Variants in CACNA1H observed in about 807,000 individuals in gnomAD.
CACNA1H encodes voltage-dependent T-type calcium channel subunit alpha-1H.
In CACNA1H, 149 loss-of-function variants were observed where a neutral mutation model predicts 192.5. The observed-to-expected ratio is 0.77, with a 90% CI of 0.68 to 0.89. The LOEUF is 0.89. Ranked by LOEUF, CACNA1H falls within the 40% of genes least tolerant of loss-of-function variation. CACNA1H has a pLI of 0.00. For synonymous variants in CACNA1H, 2,202 were observed against 1,475.2 expected (o/e 1.49, Z -11.29); for missense variants, 4,257 against 3,423.5 (o/e 1.24, Z -6.08).
chr16:1,183,906 C>A (rs532152439), intron 2 of CACNA1H, among the ~76,000 whole-genome samples: 1 of 152,378 alleles, frequency 6.6e-6, no homozygotes, highest in East Asian at 1.9e-4. Flanking sequence ...TAATTCCCTC[C>A]TGGATCGGTT....
At chr16:1,187,229 T>C (rs1168844908) in intron 2 of CACNA1H, among the ~76,000 whole-genome samples, 1 of 152,166 alleles carries the variant, frequency 6.6e-6, no homozygotes, top group Non-Finnish European at 1.5e-5. Flanking sequence ...CAGCGCCGCG[T>C]GGGGCCGTGG....
chr16:1,215,990 C>T (rs570363303), intron 30 of CACNA1H, among the ~76,000 whole-genome samples: 15 of 152,152 alleles, frequency 9.9e-5, no homozygotes, highest in Non-Finnish European at 2.2e-4. Context: ...GCCCAGCCTC[C>T]CTGCTTCCTG....
intron 8 of CACNA1H, among the ~76,000 whole-genome samples, 177 bp from the exon 9 acceptor site, chr16:1,201,486 C>G (rs563890074): frequency 6.6e-6 from 1 of 152,180 alleles, no homozygotes; most frequent in Non-Finnish European, 1.5e-5. Context: ...TGTATGCCGT[C>G]TGCTCCAGAC....
intron 2 of CACNA1H, among the ~76,000 whole-genome samples, chr16:1,190,548 C>T (rs1330427844): frequency 6.6e-6 from 1 of 152,246 alleles, no homozygotes; most frequent in Non-Finnish European, 1.5e-5. Context: ...TCTGGCAGTC[C>T]CTCTCCAGGG....
At chr16:1,184,251 A>G (rs1355802498) in intron 2 of CACNA1H, among the ~76,000 whole-genome samples, 2 of 152,246 alleles carry the variant, frequency 1.3e-5, no homozygotes, top group Non-Finnish European at 2.9e-5. Context: ...CCCTGGCCAA[A>G]GCTTCCCCTG....
At chr16:1,156,567 G>A (rs900582988) in intron 2 of CACNA1H, among the ~76,000 whole-genome samples, 1 of 152,100 alleles carries the variant, frequency 6.6e-6, no homozygotes, top group African/African-American at 2.4e-5. Context: ...GGTGTGGCTG[G>A]GGTGTGTCCC....
Position 1,212,057 on chromosome 16 carries a change from A to G in CACNA1H, c.4678A>G (p.Lys1560Glu), listed in dbSNP as rs1371741882. The G allele has an allele frequency of 3.7e-6, 6 of 1,613,026 alleles. No homozygotes were observed. Among genetic ancestry groups the G allele is most frequent in the Non-Finnish European group, 5.1e-6 (6 of 1,179,664 alleles). The change falls in exon 25 of 35, where the codon AAG becomes GAG. Residue 1560 changes from lysine (K) to glutamate (E), a missense_variant. By Grantham distance (56) the Lys-to-Glu change is moderately conservative. Transcript: ENST00000348261. ...GGGCGTCGTGGTCGAGAACTTCCAC[A>G]AGTGCCGGCAGCACCAGGAGGCGGA... ...FVGVVVENFHKCRQHQEAEEA... is the reference protein window; with the variant it reads ...FVGVVVENFHECRQHQEAEEA...
rs780522034 is a variant in CACNA1H at position 1,200,393 on chromosome 16, C to T, written c.941C>T (p.Pro314Leu). Residue 314 changes from proline to leucine, a missense_variant, in exon 7 of 35, where the codon CCC (proline) becomes CTC (leucine). Coordinates refer to ENST00000348261, the MANE Select transcript of CACNA1H (RefSeq NM_021098.3). ...CCCGGCCGCCGCGAGCTGCGCATGC[C>T]CTGCACCCTGGGCTGGGAGGCCTAC... ...HIPGRRELRM[P>L]CTLGWEAYTQ... 2 of 1,607,180 alleles carry T rather than the reference C, an allele frequency of 1.2e-6. No individual in the cohort carries two copies. Among genetic ancestry groups the T allele is most frequent in the Admixed American group, 1.7e-5 (1 of 59,368 alleles).
intron 2 of CACNA1H, among the ~76,000 whole-genome samples, chr16:1,183,644 C>G (rs1965695588): frequency 6.6e-6 from 1 of 152,262 alleles, no homozygotes; most frequent in Non-Finnish European, 1.5e-5. Context: ...AGGCGCCGCA[C>G]TCAGGGCAGG....
At chr16:1,156,881 C>T (rs1374775210) in intron 2 of CACNA1H, 1 of 152,274 alleles carries the variant, frequency 6.6e-6, no homozygotes, top group Admixed American at 6.5e-5. Flanking sequence ...CTGGCTCCAT[C>T]TCCAGGGTGA....
At position 1,221,073 on chromosome 16, in the gene CACNA1H, G is replaced by A; in HGVS notation, c.*79G>A. ...GGGGTGGAGGCCCAGGCAGAACCCT[G>A]CATGGACCCTGACTTGGGTCCCGTC... On this transcript the variant is annotated 3_prime_UTR_variant, in exon 35 of 35. Transcript: ENST00000348261. The A allele has an allele frequency of 9.0e-7, 1 of 1,110,480 alleles. No homozygotes were observed. 68.8% of individuals were successfully genotyped at this position (1,110,480 alleles called of 1,614,324 possible).
intron 17 of CACNA1H, 22 bp from the exon 18 acceptor site, chr16:1,210,013 A>G: frequency 1.3e-6 from 2 of 1,534,074 alleles, no homozygotes; most frequent in Non-Finnish European, 1.8e-6. Flanking sequence ...AGGCTCTGAG[A>G]AGCCGCCGCC....
chr16:1,210,881 A>T lies in CACNA1H; in HGVS notation c.4133A>T (p.Asp1378Val). Reference sequence around the variant, plus strand: ...CTGCTGGTGCTGGTGTCCCTGGTGGACATTGTCGTGGCCATGGCCTCGGCT... The same window carrying T: ...CTGCTGGTGCTGGTGTCCCTGGTGGTCATTGTCGTGGCCATGGCCTCGGCT... The part of the protein sequence containing the change: ...DGLLVLVSLV[D>V]IVVAMASAGG... Residue 1378 changes from aspartate (D) to valine (V), a missense_variant, in exon 21 of 35, where the codon GAC (aspartate) becomes GTC (valine). By Grantham distance (152) the Asp-to-Val change is radical. Transcript: ENST00000348261. 1 of 1,605,400 alleles carries T rather than the reference A, an allele frequency of 6.2e-7. No homozygotes were observed. The highest frequency in any genetic ancestry group is 8.5e-7 in the Non-Finnish European group (1 of 1,179,726).
intron 2 of CACNA1H, among the ~76,000 whole-genome samples, chr16:1,191,370 GC>G (rs1966601210): frequency 4.7e-5 from 5 of 107,144 alleles, no homozygotes; most frequent in African/African-American, 1.8e-4. Context: ...GGCTGGCCTG[GC>G]TGTGTGGCCT....
Position 1,207,708 on chromosome 16 carries a change from C to T in CACNA1H, c.3064-62C>T, listed in dbSNP as rs41292283. The T allele has an allele frequency of 1.6e-3, 2,197 of 1,416,794 alleles. 2 individuals are homozygous for T. The highest frequency in any genetic ancestry group is 2.0e-3 in the Non-Finnish European group (2,068 of 1,024,526). The allele number at this position is 1,416,794 out of a possible 1,614,324, so 87.8% of individuals were successfully genotyped here. A position where few individuals can be genotyped will look rare whatever the true frequency, so the allele number is the denominator to read the frequency against. ...TCCCAGGCCAGCCCAGACTTCTGTC[C>T]GGCATGAAGGGTCCCCACTCACGGG... On this transcript the variant is annotated intron_variant, in intron 14 of 34. Transcript: ENST00000348261.
intron 2 of CACNA1H, chr16:1,160,092 C>G (rs1322965222): frequency 6.6e-6 from 1 of 152,300 alleles, no homozygotes; most frequent in African/African-American, 2.4e-5. Flanking sequence ...GAGTCCAAGC[C>G]ACGGTCGCAC....
chr16:1,203,460 C>T (rs933137509), intron 9 of CACNA1H, among the ~76,000 whole-genome samples: 1 of 152,180 alleles, frequency 6.6e-6, no homozygotes, highest in Non-Finnish European at 1.5e-5. Flanking sequence ...GTCCCTGCCC[C>T]AGTACGTGAG....
chr16:1,210,341 C>CCCCCACAA, intron 18 of CACNA1H, 29 bp from the exon 19 acceptor site: 1 of 1,000,454 alleles, frequency 1.0e-6, no homozygotes, highest in Non-Finnish European at 1.5e-6. Context: ...CCGCCCCGCC[C>CCCCCACAA]CACCTCTCAC....
At chr16:1,158,591 G>T (rs1396459240) in intron 2 of CACNA1H, among the ~76,000 whole-genome samples, 2 of 152,228 alleles carry the variant, frequency 1.3e-5, no homozygotes, top group South Asian at 2.1e-4. Flanking sequence ...CACCCTCCGG[G>T]TCGGGGCTAC....
Sources: gnomAD v4.1 joint callset for allele counts (sites outside exome capture counted in the v4.1 genomes callset) on GRCh38, gnomAD v4.1.1 for gene constraint, MANE v1.5 for transcripts, NCBI Gene and HGNC (gene_info 2026-07-23, HGNC 2026-07-21) for gene names.